The following TMEM62 variants were observed in gnomAD, a reference collection of about 807,000 sequenced individuals.
The protein encoded by TMEM62 is transmembrane protein 62.
Under a neutral mutation model 70.4 loss-of-function variants are expected in TMEM62, and 41 were observed. The observed-to-expected ratio is 0.58, with a 90% confidence interval of 0.45 to 0.76. The LOEUF (loss-of-function observed/expected upper bound fraction) is 0.76, where lower values mean the gene tolerates loss of function less well. TMEM62 is among the 30% of genes least tolerant of loss of function. The probability of loss-of-function intolerance (pLI) is 0.00; values close to 1 mark genes in which losing one functional copy is unlikely to be tolerated. For missense variants in TMEM62, 688 were observed against 788.5 expected (o/e 0.87, Z 1.53); for synonymous variants, 268 against 291.0 (o/e 0.92, Z 0.80).
chr15:43,142,390 C>G (rs1316812429), intron 4 of TMEM62, among the ~76,000 whole-genome samples: 2 of 151,990 alleles, frequency 1.3e-5, no homozygotes. Context: ...GTCTTGAACT[C>G]CTGACCTCGT....
chr15:43,136,531 G>A lies in TMEM62; in HGVS notation c.430+882G>A, dbSNP rs555310406. Among the ~76,000 whole-genome samples, 102 of 151,848 alleles carry A rather than the reference G, an allele frequency of 6.7e-4. 1 individual carries two copies. Among genetic ancestry groups the A allele is most frequent in the African/African-American group, 2.3e-3 (97 of 41,356 alleles). On this transcript the variant is annotated intron_variant, in intron 3 of 13. Transcript: ENST00000260403. ...GCAATCTCAGCTCACTGCAACCTTC[G>A]TCTCCCGAGTTCAAGCGATTCCCCT...
chr15:43,134,727 C>G (rs781587364), intron 2 of TMEM62, among the ~76,000 whole-genome samples: 1 of 152,184 alleles, frequency 6.6e-6, no homozygotes, highest in Non-Finnish European at 1.5e-5. Context: ...ATCAGAAGTT[C>G]TCTTCTTTTG....
chr15:43,177,118 G>A lies in TMEM62; in HGVS notation c.1382-1489G>A, dbSNP rs1187261389. On this transcript the variant is annotated intron_variant, in intron 11 of 13. Coordinates refer to ENST00000260403, the MANE Select transcript of TMEM62 (RefSeq NM_024956.4). ...GAAGATGAAATGAATGAAATGAAGCGAGAAGGGAAGTTTAGAGAAAAAAGA... is the reference window on the plus strand; with the variant it reads ...GAAGATGAAATGAATGAAATGAAGCAAGAAGGGAAGTTTAGAGAAAAAAGA... Among the ~76,000 whole-genome samples the A allele has an allele frequency of 5.3e-5, 8 of 151,926 alleles. 1 individual carries two copies. The highest frequency in any genetic ancestry group is 1.5e-4 in the African/African-American group (6 of 41,204).
At chr15:43,134,571 G>A (rs1315036073) in intron 2 of TMEM62, among the ~76,000 whole-genome samples, 1 of 152,172 alleles carries the variant, frequency 6.6e-6, no homozygotes, top group Admixed American at 6.5e-5. Flanking sequence ...AAAATGATTT[G>A]ACGTAGCAAG....
At chr15:43,169,772 G>A in intron 11 of TMEM62, 95 bp downstream of exon 11, 12 of 1,011,818 alleles carry the variant, frequency 1.2e-5, no homozygotes, top group Non-Finnish European at 1.8e-5. Context: ...AAGCCAATAT[G>A]AATGACCATG....
Position 43,167,323 on chromosome 15 carries a change from C to T in TMEM62, c.1297-2270C>T, listed in dbSNP as rs537587558. Among the ~76,000 whole-genome samples the T allele has an allele frequency of 1.2e-4, 18 of 151,700 alleles. No individual in the cohort carries two copies. In the East Asian group the frequency reaches 3.3e-3, roughly 28 times the overall value. ...CCGGGCGGAGACGCTCCTCACTTCC[C>T]AGACGGGGTGGCTGCCGGGCGGAGG... On this transcript the variant is annotated intron_variant, in intron 10 of 13. Transcript: ENST00000260403.
chr15:43,152,511 C>T (rs576944995), intron 8 of TMEM62, among the ~76,000 whole-genome samples: 1 of 152,294 alleles, frequency 6.6e-6, no homozygotes, highest in East Asian at 1.9e-4. Flanking sequence ...TCTCATGCCT[C>T]AGCCTCTGGA....
rs1467593841 is a variant in TMEM62, at chr15:43,167,998, C to G, written c.1297-1595C>G. ...AACCAGTCAGGCGTGGCGGCGCACG[C>G]CTGCAATCGCAGGCACTCGGCAGGC... is the stretch of plus-strand genomic sequence containing the variant. On this transcript the variant is annotated intron_variant, in intron 10 of 13. Transcript: ENST00000260403. Among the ~76,000 whole-genome samples the G allele has an allele frequency of 3.3e-5, 5 of 152,146 alleles. No individual in the cohort carries two copies. The East Asian group carries it at 9.7e-4, about 29-fold the overall frequency.
intron 5 of TMEM62, among the ~76,000 whole-genome samples, chr15:43,148,190 A>G (rs2036909553): frequency 6.6e-6 from 1 of 152,188 alleles, no homozygotes; most frequent in Non-Finnish European, 1.5e-5. Flanking sequence ...AAAATTTTGT[A>G]TAAATGAAAT....
intron 3 of TMEM62, chr15:43,135,890 T>C: frequency 3.1e-6 from 1 of 327,214 alleles, no homozygotes; most frequent in Non-Finnish European, 5.5e-6. Flanking sequence ...TTTATTATTA[T>C]TATTATACTT....
At chr15:43,157,924 T>C (rs1338830345) in intron 9 of TMEM62, among the ~76,000 whole-genome samples, 1 of 152,216 alleles carries the variant, frequency 6.6e-6, no homozygotes. Flanking sequence ...ATCAAGGCTC[T>C]TACATTCTAT....
intron 3 of TMEM62, among the ~76,000 whole-genome samples, chr15:43,137,514 G>T (rs149311224): frequency 1.3e-5 from 2 of 152,356 alleles, no homozygotes; most frequent in African/African-American, 4.8e-5. Flanking sequence ...GATGACAGAG[G>T]CTGCTACAGT....
Position 43,138,295 on chromosome 15 carries a change from T to G in TMEM62, c.431-279T>G, listed in dbSNP as rs1340679329. ...AGGGCCAGGGCCATCTGGACTCTGT[T>G]CTGAGTCAGGGGCTGAGTCTACCCT... On this transcript the variant is annotated intron_variant, in intron 3 of 13. Coordinates refer to ENST00000260403, the MANE Select transcript of TMEM62 (RefSeq NM_024956.4). 2.0e-5 allele frequency among the ~76,000 whole-genome samples: 3 copies of G among 152,054 alleles called. No individual in the cohort carries two copies. In the East Asian group the frequency reaches 5.8e-4, roughly 29 times the overall value.
intron 13 of TMEM62, 89 bp downstream of exon 13, chr15:43,181,388 T>C (rs1251132493): frequency 1.2e-6 from 1 of 828,868 alleles, no homozygotes; most frequent in African/African-American, 1.7e-5. Context: ...AATCCAGAAT[T>C]AAGTACCATA....
intron 10 of TMEM62, among the ~76,000 whole-genome samples, chr15:43,167,065 G>C (rs1023458065): frequency 2.0e-5 from 3 of 152,166 alleles, no homozygotes; most frequent in Non-Finnish European, 2.9e-5. Context: ...CCTCCCAGAC[G>C]GGGTGGTGGC....
intron 9 of TMEM62, among the ~76,000 whole-genome samples, chr15:43,158,714 A>G (rs1596285755): frequency 6.6e-6 from 1 of 152,350 alleles, no homozygotes; most frequent in East Asian, 1.9e-4. Flanking sequence ...TCTATTTGGT[A>G]CCCAGATATA....
At chr15:43,170,287 G>A (rs1016385357) in intron 11 of TMEM62, among the ~76,000 whole-genome samples, 28 of 152,272 alleles carry the variant, frequency 1.8e-4, no homozygotes, top group Non-Finnish European at 3.2e-4. Context: ...CCTTTCCATC[G>A]TGGCTGAGAA....
intron 9 of TMEM62, among the ~76,000 whole-genome samples, chr15:43,156,185 T>C (rs529604268): frequency 2.6e-5 from 4 of 152,334 alleles, no homozygotes; most frequent in Non-Finnish European, 5.9e-5. Flanking sequence ...ATTATCTTTT[T>C]TATCCCCCCT....
At chr15:43,158,815 AT>A (rs1330718553) in intron 9 of TMEM62, among the ~76,000 whole-genome samples, 1 of 152,226 alleles carries the variant, frequency 6.6e-6, no homozygotes, top group African/African-American at 2.4e-5. Flanking sequence ...GTTCTTTAGT[AT>A]CTGCCAAAGG....
Sources: allele counts gnomAD v4.1 joint callset (sites outside exome capture counted in the v4.1 genomes callset), GRCh38; gene constraint gnomAD v4.1.1; transcripts MANE v1.5; gene names NCBI Gene and HGNC (gene_info 2026-07-23, HGNC 2026-07-21).